Variants in PCCA observed in about 807,000 individuals in gnomAD.
PCCA encodes propionyl-CoA carboxylase alpha chain, mitochondrial.
Under a neutral mutation model 101.3 loss-of-function variants are expected in PCCA, and 74 were observed. That is an observed-to-expected ratio of 0.73 (90% CI 0.61 to 0.89). The LOEUF is 0.89. Ranked by LOEUF, PCCA falls within the 40% of genes least tolerant of loss-of-function variation. The probability of loss-of-function intolerance (pLI) is 0.00; values close to 1 mark genes in which losing one functional copy is unlikely to be tolerated. For synonymous variants in PCCA, 294 were observed against 313.6 expected (o/e 0.94, Z 0.66); for missense variants, 891 against 907.0 (o/e 0.98, Z 0.23).
At chr13:100,409,715 G>A (rs79499763) in intron 19 of PCCA, among the ~76,000 whole-genome samples, 19,147 of 152,150 alleles carry the variant, frequency 0.13, 3,885 homozygotes, top group African/African-American at 0.43. Flanking sequence ...AGGGACAACT[G>A]TCCAAACTAT....
intron 16 of PCCA, among the ~76,000 whole-genome samples, chr13:100,322,925 A>G (rs1031551464): frequency 4.6e-5 from 7 of 152,184 alleles, no homozygotes; most frequent in African/African-American, 1.2e-4. Flanking sequence ...TACTTATTCT[A>G]TAACTAGTTG....
At position 100,400,630 on chromosome 13, in the gene PCCA, C is replaced by CTTTTTTTTTTTTTTTTTTT. The variant is rs1281449669; in HGVS notation, c.1747-24986_1747-24985insTTTTTTTTTTTTTTTTTTT. 1.1e-3 allele frequency among the ~76,000 whole-genome samples: 100 copies of CTTTTTTTTTTTTTTTTTTT among 90,934 alleles called. 8 individuals are homozygous for CTTTTTTTTTTTTTTTTTTT. The highest frequency in any genetic ancestry group is 5.3e-3 in the African/African-American group (99 of 18,614). 59.7% of individuals were successfully genotyped at this position (90,934 alleles called of 152,430 possible). On this transcript the variant is annotated intron_variant, in intron 19 of 23. Coordinates refer to ENST00000376285, the MANE Select transcript of PCCA (RefSeq NM_000282.4). ...TGATTGATCTTAGTTCTTTTTAGTT[C>CTTTTTTTTTTTTTTTTTTT]TTTTTTTTTTTTTTTTTGAGAGTTT...
At chr13:100,339,912 G>A (rs1220449539) in intron 17 of PCCA, among the ~76,000 whole-genome samples, 1 of 152,124 alleles carries the variant, frequency 6.6e-6, no homozygotes, top group Non-Finnish European at 1.5e-5. Context: ...TGCATCTGTT[G>A]AATATCTTCT....
intron 19 of PCCA, among the ~76,000 whole-genome samples, chr13:100,393,478 G>T (rs2152843400): frequency 6.8e-6 from 1 of 147,440 alleles, no homozygotes; most frequent in South Asian, 2.2e-4. Context: ...GATTGCAATG[G>T]CGTGATCTCA....
intron 6 of PCCA, among the ~76,000 whole-genome samples, chr13:100,174,837 A>G (rs1184490576): frequency 1.3e-5 from 2 of 151,988 alleles, no homozygotes; most frequent in African/African-American, 2.4e-5. Flanking sequence ...ACTCTTCTTT[A>G]TGAGTATTCT....
intron 8 of PCCA, among the ~76,000 whole-genome samples, chr13:100,256,402 G>T (rs1317400623): frequency 1.3e-5 from 2 of 151,928 alleles, no homozygotes; most frequent in Admixed American, 6.6e-5. Context: ...GAACTATTTG[G>T]GTCCTTTGCT....
chr13:100,318,619 A>T (rs1228323550), intron 16 of PCCA, among the ~76,000 whole-genome samples: 2 of 151,668 alleles, frequency 1.3e-5, no homozygotes, highest in Admixed American at 1.3e-4. Context: ...ACTGAGAATG[A>T]TGGTTTCCAG....
intron 15 of PCCA, among the ~76,000 whole-genome samples, chr13:100,308,116 G>T (rs1447836800): frequency 1.3e-5 from 2 of 152,104 alleles, no homozygotes; most frequent in Non-Finnish European, 2.9e-5. Context: ...GCCTCCCAAA[G>T]TTCTGGGATT....
chr13:100,193,480 T>A (rs1157155644), intron 6 of PCCA, among the ~76,000 whole-genome samples: 2 of 152,358 alleles, frequency 1.3e-5, no homozygotes, highest in East Asian at 3.9e-4. Flanking sequence ...GAAATGCTAA[T>A]CTATAAAATG....
intron 21 of PCCA, among the ~76,000 whole-genome samples, chr13:100,473,690 C>G (rs1288011890): frequency 6.6e-6 from 1 of 152,222 alleles, no homozygotes; most frequent in South Asian, 2.1e-4. Flanking sequence ...CCTCTAGAGT[C>G]TATCCCACCC....
intron 5 of PCCA, 72 bp from the exon 6 acceptor site, chr13:100,157,215 C>G: frequency 1.0e-6 from 1 of 965,116 alleles, no homozygotes; most frequent in Non-Finnish European, 1.7e-6. Flanking sequence ...TACATAAATG[C>G]ACTGTACATT....
intron 15 of PCCA, 68 bp downstream of exon 15, chr13:100,307,328 A>G: frequency 9.5e-7 from 1 of 1,051,326 alleles, no homozygotes; most frequent in Non-Finnish European, 1.5e-6. Flanking sequence ...AGAGTCTGAA[A>G]CTGGGCCTTT....
intron 6 of PCCA, among the ~76,000 whole-genome samples, chr13:100,159,430 G>A (rs904148053): frequency 3.9e-5 from 6 of 152,006 alleles, no homozygotes; most frequent in Non-Finnish European, 5.9e-5. Flanking sequence ...CTTTGAGAAG[G>A]ATATATTAAT....
At chr13:100,241,321 T>TTG (rs1251393425) in intron 8 of PCCA, among the ~76,000 whole-genome samples, 1 of 152,192 alleles carries the variant, frequency 6.6e-6, no homozygotes, top group Non-Finnish European at 1.5e-5. Context: ...TCTGGGGATA[T>TTG]TTCATATAAA....
Position 100,199,381 on chromosome 13 carries a change from T to A in PCCA, c.469-9951T>A, listed in dbSNP as rs2058330493. Among the ~76,000 whole-genome samples the A allele has an allele frequency of 2.6e-5, 4 of 152,330 alleles. No homozygotes were observed. The South Asian group carries it at 8.3e-4, about 32-fold the overall frequency. ...TCCATTTATTTTTAAATTTGATAAG[T>A]CTTTAAAATCTTAGTCTGTAGGCTC... is the stretch of plus-strand genomic sequence containing the variant. On this transcript the variant is annotated intron_variant, in intron 6 of 23. Coordinates refer to ENST00000376285, the MANE Select transcript of PCCA (RefSeq NM_000282.4).
At chr13:100,252,662 G>A (rs1594939524) in intron 8 of PCCA, among the ~76,000 whole-genome samples, 1 of 152,110 alleles carries the variant, frequency 6.6e-6, no homozygotes, top group Admixed American at 6.6e-5. Flanking sequence ...TTATCAGTTG[G>A]TCAAAAAAGA....
At chr13:100,489,048 G>T (rs1370704815) in intron 21 of PCCA, among the ~76,000 whole-genome samples, 1 of 152,174 alleles carries the variant, frequency 6.6e-6, no homozygotes, top group Non-Finnish European at 1.5e-5. Context: ...GCTCACGCCT[G>T]TAATCCCAGC....
At chr13:100,498,235 C>CAAA (rs34099057) in intron 21 of PCCA, among the ~76,000 whole-genome samples, 42 of 127,978 alleles carry the variant, frequency 3.3e-4, no homozygotes, top group African/African-American at 1.1e-3. Flanking sequence ...GTAGGTTAGC[C>CAAA]AAAAAAAAAA....
intron 18 of PCCA, among the ~76,000 whole-genome samples, chr13:100,349,314 A>G (rs1595509821): frequency 6.6e-6 from 1 of 152,232 alleles, no homozygotes; most frequent in African/African-American, 2.4e-5. Context: ...TTTAGCAGAG[A>G]CTGGGTTTCT....
Sources: allele counts gnomAD v4.1 joint callset (sites outside exome capture counted in the v4.1 genomes callset), GRCh38; gene constraint gnomAD v4.1.1; transcripts MANE v1.5; gene names NCBI Gene and HGNC (gene_info 2026-07-23, HGNC 2026-07-21).